EIF4H: variants seen among roughly 807,000 people sequenced by gnomAD.
EIF4H encodes the protein Williams-Beuren syndrome chromosome region 1.
Under a neutral mutation model 30.6 loss-of-function variants are expected in EIF4H, and 8 were observed. The observed-to-expected ratio is 0.26, with a 90% CI of 0.15 to 0.47. The LOEUF is 0.47. EIF4H is among the 20% of genes least tolerant of loss of function. EIF4H has a pLI of 0.99. For synonymous variants in EIF4H, 106 were observed against 122.7 expected, an observed-to-expected ratio of 0.86 and a Z score of 0.90; for missense variants, 188 against 339.5, an observed-to-expected ratio of 0.55 and a Z score of 3.51.
chr7:74,182,476 C>G (rs1405861304), intron 1 of EIF4H, among the ~76,000 whole-genome samples: 1 of 152,262 alleles, frequency 6.6e-6, no homozygotes, highest in Non-Finnish European at 1.5e-5. Flanking sequence ...CAGGTGTGAG[C>G]CATGGCGTCC....
chr7:74,191,935 A>G (rs1038352136), intron 5 of EIF4H, among the ~76,000 whole-genome samples: 2 of 151,782 alleles, frequency 1.3e-5, no homozygotes, highest in African/African-American at 2.4e-5. Context: ...ACCCACCACC[A>G]CGCCCGGCTA....
chr7:74,187,473 C>A, intron 1 of EIF4H, 138 bp from the exon 2 acceptor site: 1 of 844,784 alleles, frequency 1.2e-6, no homozygotes, highest in Non-Finnish European at 1.7e-6. Flanking sequence ...TCCAGCCATT[C>A]TCTGTAACAG....
chr7:74,183,132 G>A (rs1226573152), intron 1 of EIF4H, among the ~76,000 whole-genome samples: 1 of 152,210 alleles, frequency 6.6e-6, no homozygotes, highest in Non-Finnish European at 1.5e-5. Flanking sequence ...AAAGTGATTT[G>A]CCTGTCAAGG....
Position 74,196,074 on chromosome 7 carries a change from G to GTT in EIF4H, c.*767_*768insTT, listed in dbSNP as rs1175789431. The GTT allele has an allele frequency of 6.6e-6, 1 of 152,270 alleles. No individual in the cohort carries two copies. The highest frequency in any genetic ancestry group is 1.5e-5 in the Non-Finnish European group (1 of 68,100). The allele number at this position is 152,270 out of a possible 1,614,324, so 9.4% of individuals were successfully genotyped here. ...CTTGCATGCATTCACACGTGTGTGT[G>GTT]TCCCAGCTAGTTCACTCCTTTCGCC... On this transcript the variant is annotated 3_prime_UTR_variant, in exon 7 of 7. Transcript: ENST00000265753.
chr7:74,195,372 C>T lies in EIF4H; in HGVS notation c.*64C>T, dbSNP rs1489700851. 4.9e-5 allele frequency: 73 copies of T among 1,476,192 alleles called. 1 individual carries two copies. In the East Asian group the frequency reaches 7.3e-4, roughly 15 times the overall value. 91.4% of individuals were successfully genotyped at this position (1,476,192 alleles called of 1,614,324 possible). A position where few individuals can be genotyped will look rare whatever the true frequency, so the allele number is the denominator to read the frequency against. ...GCAGGACCACAGCCTGGTGAGTCCC[C>T]GGGCAGCCGTCCTGCAGCCGCCACT... On this transcript the variant is annotated 3_prime_UTR_variant, in exon 7 of 7. Coordinates refer to ENST00000265753, the MANE Select transcript of EIF4H (RefSeq NM_022170.2).
Position 74,194,762 on chromosome 7 carries a change from G to C in EIF4H, c.491G>C (p.Gly164Ala), listed in dbSNP as rs148078698. 3 of 1,593,086 alleles carry C rather than the reference G, an allele frequency of 1.9e-6. No individual in the cohort carries two copies. Among genetic ancestry groups the C allele is most frequent in the East Asian group, 2.3e-5 (1 of 44,086 alleles). The change falls in exon 6 of 7, where the codon GGG becomes GCG. Residue 164 changes from glycine to alanine, a missense_variant. This residue lies in a region of EIF4H where 76 missense variants were observed against 85.8 expected (regional missense o/e 0.89). Transcript: ENST00000265753. Reference protein sequence around the residue: ...FNSGFRDDFLGGRGGSRPGDR... With the variant: ...FNSGFRDDFLAGRGGSRPGDR... ...TCAGGCTTCAGGGATGACTTCTTAG[G>C]GGGCAGGGGAGGTAGTCGCCCAGGC... is the stretch of plus-strand genomic sequence containing the variant.
intron 2 of EIF4H, among the ~76,000 whole-genome samples, chr7:74,188,170 A>G (rs1801130926): frequency 6.6e-6 from 1 of 152,232 alleles, no homozygotes; most frequent in Non-Finnish European, 1.5e-5. Flanking sequence ...TAGTTAATCC[A>G]GTAATCATAT....
intron 1 of EIF4H, among the ~76,000 whole-genome samples, chr7:74,181,177 G>T (rs933266061): frequency 1.3e-5 from 2 of 152,078 alleles, no homozygotes; most frequent in East Asian, 3.9e-4. Flanking sequence ...TCCTTTCCCA[G>T]TTTTAACCTC....
At chr7:74,183,956 A>G (rs1801024426) in intron 1 of EIF4H, 1 of 152,264 alleles carries the variant, frequency 6.6e-6, no homozygotes, top group Non-Finnish European at 1.5e-5. Flanking sequence ...AAGGGACTAC[A>G]TCAGGTAGGG....
rs1163858057 is a variant in EIF4H, at chr7:74,195,998, G to T, written c.*690G>T. 5 of 152,274 alleles carry T rather than the reference G, an allele frequency of 3.3e-5. No homozygotes were observed. Among genetic ancestry groups the T allele is most frequent in the African/African-American group, 4.8e-5 (2 of 41,442 alleles). 9.4% of individuals were successfully genotyped at this position (152,274 alleles called of 1,614,324 possible). The stretch of plus-strand genomic sequence containing the variant: ...ACACGAGAAACAGTGAGGCTGAAAG[G>T]GGGGGCTATGGAAGAGCGGTAGGGA... On this transcript the variant is annotated 3_prime_UTR_variant, in exon 7 of 7. Transcript: ENST00000265753.
intron 1 of EIF4H, 107 bp downstream of exon 1, chr7:74,174,549 G>A (rs1237144220): frequency 3.8e-6 from 4 of 1,050,798 alleles, no homozygotes; most frequent in Admixed American, 4.7e-5. Context: ...GGAGGCGGGG[G>A]CCCGCGGAGG....
Position 74,186,788 on chromosome 7 carries a change from AT to A in EIF4H, c.60-771del, listed in dbSNP as rs564794579. 1.0e-4 allele frequency among the ~76,000 whole-genome samples: 7 copies of A among 70,122 alleles called. 3 individuals carry two copies. The highest frequency in any genetic ancestry group is 1.5e-4 in the Non-Finnish European group (5 of 34,366). The allele number at this position is 70,122 out of a possible 152,430, so 46.0% of individuals were successfully genotyped here. ...GCCCATAATCAGGCAACAAGGAGAA[AT>A]TTTTTTTTTTTTTTTTTTTTTTTTT... On this transcript the variant is annotated intron_variant, in intron 1 of 6. Transcript: ENST00000265753.
At chr7:74,181,898 G>A (rs1220648078) in intron 1 of EIF4H, among the ~76,000 whole-genome samples, 1 of 151,624 alleles carries the variant, frequency 6.6e-6, no homozygotes, top group Non-Finnish European at 1.5e-5. Context: ...TGTACTGTTA[G>A]TAGAGATGGG....
intron 1 of EIF4H, among the ~76,000 whole-genome samples, chr7:74,185,642 T>TA (rs1202018991): frequency 1.3e-5 from 2 of 152,058 alleles, no homozygotes; most frequent in African/African-American, 4.8e-5. Context: ...CTTTAATGAA[T>TA]AATATTTGTC....
intron 1 of EIF4H, among the ~76,000 whole-genome samples, chr7:74,178,459 G>T (rs767017119): frequency 7.2e-5 from 11 of 152,000 alleles, no homozygotes; most frequent in East Asian, 5.8e-4. Context: ...CAGGAGAATT[G>T]CTTGAACCAG....
intron 5 of EIF4H, among the ~76,000 whole-genome samples, chr7:74,192,532 T>C (rs1801242754): frequency 6.6e-6 from 1 of 152,288 alleles, no homozygotes; most frequent in East Asian, 1.9e-4. Flanking sequence ...CCACAGGTGA[T>C]GCAGTCAGCG....
chr7:74,193,141 A>C (rs1221793728), intron 5 of EIF4H, among the ~76,000 whole-genome samples: 3 of 152,218 alleles, frequency 2.0e-5, no homozygotes, highest in African/African-American at 7.2e-5. Context: ...AAGACACCTG[A>C]CAGCCAGCCT....
At chr7:74,193,758 G>A (rs949127076) in intron 5 of EIF4H, among the ~76,000 whole-genome samples, 1 of 152,030 alleles carries the variant, frequency 6.6e-6, no homozygotes, top group Non-Finnish European at 1.5e-5. Flanking sequence ...AACCCCAGGC[G>A]TGCGCCACCA....
intron 1 of EIF4H, among the ~76,000 whole-genome samples, chr7:74,181,236 T>G (rs879971453): frequency 6.6e-6 from 1 of 152,170 alleles, no homozygotes; most frequent in Non-Finnish European, 1.5e-5. Context: ...TACTTTTGGG[T>G]GGAGGTGTGG....
Sources: gnomAD v4.1 joint callset for allele counts (sites outside exome capture counted in the v4.1 genomes callset) on GRCh38, gnomAD v4.1.1 for gene constraint, gnomAD v4.1.1 regional missense constraint, MANE v1.5 for transcripts, NCBI Gene and HGNC (gene_info 2026-07-23, HGNC 2026-07-21) for gene names.